DENR: variants seen among roughly 807,000 people sequenced by gnomAD.
DENR encodes density-regulated protein.
In DENR, 6 loss-of-function variants were observed where a neutral mutation model predicts 30.6. The ratio of observed to expected loss-of-function variants is 0.20; its 90% CI spans 0.11 to 0.39. The LOEUF (loss-of-function observed/expected upper bound fraction) is 0.39, where lower values mean the gene tolerates loss of function less well. Among genes scored for constraint, DENR ranks in the 10% least tolerant of loss-of-function variants. The probability of loss-of-function intolerance (pLI) is 1.00; values close to 1 mark genes in which losing one functional copy is unlikely to be tolerated. For missense variants in DENR, 141 were observed against 230.9 expected, an observed-to-expected ratio of 0.61 and a Z score of 2.52; for synonymous variants, 78 against 72.1, an observed-to-expected ratio of 1.08 and a Z score of -0.41.
At position 122,770,676 on chromosome 12, in the gene DENR, C is replaced by G. The variant is rs1386474113; in HGVS notation, c.*1598C>G. The G allele has an allele frequency of 5.0e-6, 2 of 398,356 alleles. No homozygotes were observed. Among genetic ancestry groups the G allele is most frequent in the Non-Finnish European group, 8.8e-6 (2 of 226,030 alleles). The allele number at this position is 398,356 out of a possible 1,614,324, so 24.7% of individuals were successfully genotyped here. A position where few individuals can be genotyped will look rare whatever the true frequency, so the allele number is the denominator to read the frequency against. On this transcript the variant is annotated 3_prime_UTR_variant, in exon 8 of 8. Transcript: ENST00000280557. ...AGAAGACTTGTGGTGTTTTAAGTTG[C>G]TGTGGACACTTTTAAGAAACTTAGA...
intron 2 of DENR, among the ~76,000 whole-genome samples, chr12:122,758,450 A>G (rs1170055648): frequency 6.6e-6 from 1 of 152,126 alleles, no homozygotes; most frequent in African/African-American, 2.4e-5. Flanking sequence ...ATTTCAGTGC[A>G]TTTTATCAAG....
chr12:122,756,038 C>G (rs1385255843), intron 2 of DENR, among the ~76,000 whole-genome samples: 2 of 152,154 alleles, frequency 1.3e-5, no homozygotes, highest in Non-Finnish European at 2.9e-5. Context: ...CAATTTTTAC[C>G]TAGTATCTCT....
chr12:122,762,833 T>G lies in DENR; in HGVS notation c.127-12T>G. On this transcript the variant is annotated splice_polypyrimidine_tract_variant and intron_variant, in intron 3 of 7. Coordinates refer to ENST00000280557, the MANE Select transcript of DENR (RefSeq NM_003677.5). ...TGTTTTGTTGTGACTCAGTTCTTTT[T>G]TTTTCTCCTAGTACTGTGAATATAT... 1.3e-6 allele frequency: 2 copies of G among 1,506,624 alleles called. No homozygotes were observed. Among genetic ancestry groups the G allele is most frequent in the Non-Finnish European group, 1.8e-6 (2 of 1,119,234 alleles). The allele number at this position is 1,506,624 out of a possible 1,614,324, so 93.3% of individuals were successfully genotyped here.
At position 122,769,239 on chromosome 12, in the gene DENR, T is replaced by C. The variant is rs1244996515; in HGVS notation, c.*161T>C. On this transcript the variant is annotated 3_prime_UTR_variant, in exon 8 of 8. Coordinates refer to ENST00000280557, the MANE Select transcript of DENR (RefSeq NM_003677.5). Reference sequence around the variant, plus strand: ...ACATGTATATATACATGTGTGTATGTATACATGTATATATATATACATACA... The same window carrying C: ...ACATGTATATATACATGTGTGTATGCATACATGTATATATATATACATACA... 1.3e-5 allele frequency: 8 copies of C among 637,552 alleles called. No individual in the cohort carries two copies. The highest frequency in any genetic ancestry group is 1.1e-5 in the Non-Finnish European group (6 of 538,754). 39.5% of individuals were successfully genotyped at this position (637,552 alleles called of 1,614,324 possible).
chr12:122,764,774 C>T (rs1878803617), intron 4 of DENR, among the ~76,000 whole-genome samples: 1 of 152,208 alleles, frequency 6.6e-6, no homozygotes, highest in African/African-American at 2.4e-5. Flanking sequence ...AGTGCTGCCC[C>T]ACTCATTGCT....
rs1418712507 is a variant in DENR at position 122,765,289 on chromosome 12, C to A, written c.212-15C>A. On this transcript the variant is annotated splice_polypyrimidine_tract_variant and intron_variant, in intron 4 of 7. Transcript: ENST00000280557. ...AGATGATGTTCATGCTTTTGTATTT[C>A]ACTTTTATATCTAGAAAATTCACCC... is the stretch of plus-strand genomic sequence containing the variant. 2 of 1,544,566 alleles carry A rather than the reference C, an allele frequency of 1.3e-6. No homozygotes were observed. The highest frequency in any genetic ancestry group is 1.4e-5 in the African/African-American group (1 of 72,644).
intron 2 of DENR, among the ~76,000 whole-genome samples, chr12:122,757,666 C>T (rs57014270): frequency 0.012 from 1,776 of 152,232 alleles, 39 homozygotes; most frequent in African/African-American, 0.04. Flanking sequence ...TAGGTGTTTG[C>T]TGAAAAGAAT....
At chr12:122,757,002 G>A (rs1878567568) in intron 2 of DENR, among the ~76,000 whole-genome samples, 1 of 152,182 alleles carries the variant, frequency 6.6e-6, no homozygotes, top group Non-Finnish European at 1.5e-5. Context: ...AATCAGATTT[G>A]AGGACAAGGG....
chr12:122,753,150 C>A (rs1465932302), intron 1 of DENR, among the ~76,000 whole-genome samples, 200 bp downstream of exon 1: 2 of 152,212 alleles, frequency 1.3e-5, no homozygotes, highest in African/African-American at 4.8e-5. Context: ...ACATTCTGCG[C>A]TCGTTTTCTC....
At chr12:122,766,049 T>G (rs1376819659) in intron 5 of DENR, among the ~76,000 whole-genome samples, 1 of 148,290 alleles carries the variant, frequency 6.7e-6, no homozygotes, top group Admixed American at 6.7e-5. Context: ...CTTTGCATCT[T>G]CAAAAAAAAA....
chr12:122,769,104 G>GTTT lies in DENR; in HGVS notation c.*26_*27insTTT. 6.3e-7 allele frequency: 1 copy of GTTT among 1,595,798 alleles called. No homozygotes were observed. ...ATTTGAAAATTTGTCTGTATTTAAT[G>GTTT]GCCTGAACTGAGAGTTGATATGGCC... On this transcript the variant is annotated 3_prime_UTR_variant, in exon 8 of 8. Transcript: ENST00000280557.
chr12:122,760,841 A>C (rs921814772), intron 2 of DENR, among the ~76,000 whole-genome samples: 1 of 152,372 alleles, frequency 6.6e-6, no homozygotes, highest in Non-Finnish European at 1.5e-5. Flanking sequence ...TACAGGCTCT[A>C]ACACCAAATG....
At chr12:122,764,555 G>A (rs113903550) in intron 4 of DENR, among the ~76,000 whole-genome samples, 8,064 of 152,202 alleles carry the variant, frequency 0.053, 400 homozygotes, top group East Asian at 0.27. Flanking sequence ...AGCCGAGATC[G>A]CACCGCTGCA....
intron 2 of DENR, 23 bp from the exon 3 acceptor site, chr12:122,762,164 C>CT (rs1193487561): frequency 2.9e-5 from 40 of 1,402,042 alleles, no homozygotes; most frequent in Non-Finnish European, 3.9e-5. Flanking sequence ...CATTTCAAAT[C>CT]TTTTTTCTTT....
chr12:122,758,846 A>T (rs201097340), intron 2 of DENR, among the ~76,000 whole-genome samples: 8,915 of 45,042 alleles, frequency 0.2, 431 homozygotes, highest in East Asian at 0.5. Context: ...TTAATTTTTT[A>T]TTTATTTATT....
chr12:122,763,593 C>T (rs1163210911), intron 4 of DENR, among the ~76,000 whole-genome samples: 8 of 151,846 alleles, frequency 5.3e-5, no homozygotes, highest in Admixed American at 3.9e-4. Flanking sequence ...CCTAGCTACT[C>T]GGGAGGCTGA....
intron 2 of DENR, among the ~76,000 whole-genome samples, chr12:122,761,065 G>T (rs1878686868): frequency 6.6e-6 from 1 of 151,526 alleles, no homozygotes; most frequent in East Asian, 1.9e-4. Context: ...GTGAGCCATG[G>T]ACACACCACT....
At chr12:122,768,481 G>C (rs969667903) in intron 6 of DENR, among the ~76,000 whole-genome samples, 5 of 151,230 alleles carry the variant, frequency 3.3e-5, no homozygotes, top group Non-Finnish European at 7.4e-5. Context: ...CTGGGCAACA[G>C]AGCAAGACTC....
chr12:122,762,042 T>C, intron 2 of DENR, 145 bp from the exon 3 acceptor site: 1 of 491,814 alleles, frequency 2.0e-6, no homozygotes, highest in Admixed American at 4.0e-5. Context: ...CACTGAAGAG[T>C]AGCATTTGAA....
Sources: gnomAD v4.1 joint callset for allele counts (sites outside exome capture counted in the v4.1 genomes callset) on GRCh38, gnomAD v4.1.1 for gene constraint, MANE v1.5 for transcripts, NCBI Gene and HGNC (gene_info 2026-07-23, HGNC 2026-07-21) for gene names.